The following ZSCAN30 variants were observed in gnomAD, a reference collection of about 807,000 sequenced individuals.
ZSCAN30 encodes zinc finger and SCAN domain-containing protein 30.
Under a neutral mutation model 44.3 loss-of-function variants are expected in ZSCAN30, and 37 were observed. That is an observed-to-expected ratio of 0.84 (90% CI 0.64 to 1.10). The LOEUF (loss-of-function observed/expected upper bound fraction) is 1.10, where lower values mean the gene tolerates loss of function less well. Ranked by LOEUF, ZSCAN30 falls within the 50% of genes least tolerant of loss-of-function variation. The probability of loss-of-function intolerance (pLI) is 0.00; values close to 1 mark genes in which losing one functional copy is unlikely to be tolerated. For synonymous variants in ZSCAN30, 181 were observed against 204.6 expected, an observed-to-expected ratio of 0.88 and a Z score of 0.98; for missense variants, 549 against 582.6, an observed-to-expected ratio of 0.94 and a Z score of 0.59.
intron 1 of ZSCAN30, among the ~76,000 whole-genome samples, chr18:35,275,908 G>T (rs1168289761): frequency 6.6e-6 from 1 of 152,088 alleles, no homozygotes; most frequent in East Asian, 1.9e-4. Context: ...AGAGGTGTTG[G>T]ATTTTGTCAA....
At position 35,253,486 on chromosome 18, in the gene ZSCAN30, G is replaced by C. The variant is rs745950472; in HGVS notation, c.1449C>G (p.Gly483=). The change falls in exon 4 of 4, where the codon GGC becomes GGG. Residue 483 remains glycine, a synonymous_variant. Transcript: ENST00000333206. ...ECRKTFRHRS[G]LMQHQRTHTR... is the part of the protein sequence containing the mutation. ...TGTGTGTTCTCTGATGCTGCATAAG[G>C]CCTGACCTATGCCTAAATGTTTTTC... The C allele has an allele frequency of 3.7e-6, 6 of 1,603,438 alleles. No homozygotes were observed. The highest frequency in any genetic ancestry group is 5.1e-6 in the Non-Finnish European group (6 of 1,173,622).
chr18:35,263,390 C>A, intron 3 of ZSCAN30, 123 bp downstream of exon 3: 2 of 1,221,360 alleles, frequency 1.6e-6, no homozygotes, highest in Non-Finnish European at 2.3e-6. Context: ...TATTTCTAGG[C>A]AAAGAAGCCT....
In ZSCAN30 at chr18:35,251,455, CAAAG is replaced by C. The variant is rs1000014415; in HGVS notation, c.*1991_*1994del. 1 of 152,226 alleles carries C rather than the reference CAAAG, an allele frequency of 6.6e-6. No individual in the cohort carries two copies. The highest frequency in any genetic ancestry group is 1.5e-5 in the Non-Finnish European group (1 of 68,076). The allele number at this position is 152,226 out of a possible 1,614,324, so 9.4% of individuals were successfully genotyped here. A position where few individuals can be genotyped will look rare whatever the true frequency, so the allele number is the denominator to read the frequency against. On this transcript the variant is annotated 3_prime_UTR_variant, in exon 4 of 4. Coordinates refer to ENST00000333206, the MANE Select transcript of ZSCAN30 (RefSeq NM_001112734.4). ...TCGATAACTGCACAACCTCTGGACA[CAAAG>C]AGGCCGAATTGTCCCCCCAATTTCA...
intron 3 of ZSCAN30, among the ~76,000 whole-genome samples, chr18:35,256,836 C>T (rs1277608109): frequency 6.6e-6 from 1 of 152,154 alleles, no homozygotes; most frequent in African/African-American, 2.4e-5. Context: ...TTCAGTGGTA[C>T]AATTATCAGC....
At chr18:35,271,995 G>A (rs1179394266) in intron 1 of ZSCAN30, among the ~76,000 whole-genome samples, 4 of 152,214 alleles carry the variant, frequency 2.6e-5, no homozygotes, top group Admixed American at 6.5e-5. Flanking sequence ...CACGGTTCCC[G>A]CCCACGCCTC....
rs189487939 is a variant in ZSCAN30, at chr18:35,251,842, T to C, written c.*1608A>G. 2.4e-4 allele frequency: 36 copies of C among 152,162 alleles called. 1 individual carries two copies. The highest frequency in any genetic ancestry group is 8.7e-4 in the African/African-American group (36 of 41,502). 9.4% of individuals were successfully genotyped at this position (152,162 alleles called of 1,614,324 possible). On this transcript the variant is annotated 3_prime_UTR_variant, in exon 4 of 4. Coordinates refer to ENST00000333206, the MANE Select transcript of ZSCAN30 (RefSeq NM_001112734.4). ...TACCCAGTATCAGGTAGTATCTTCA[T>C]AGCACTGTGAAAATGGACTAATACA...
In ZSCAN30 at chr18:35,253,646, T is replaced by A. The variant is rs773835198; in HGVS notation, c.1289A>T (p.Glu430Val). Residue 430 changes from glutamate (E) to valine (V), a missense_variant, in exon 4 of 4, where the codon GAA becomes GTA. Transcript: ENST00000333206. ...KAFGRSSILI[E>V]HQRIHTGEKP... ...CTCTCCAGTGTGAATTCTTTGATGT[T>A]CAATAAGGATAGAACTCCTACCAAA... 6.2e-7 allele frequency: 1 copy of A among 1,613,892 alleles called. No homozygotes were observed. Among genetic ancestry groups the A allele is most frequent in the Admixed American group, 1.7e-5 (1 of 59,976 alleles).
chr18:35,267,799 T>C (rs2044191946), intron 1 of ZSCAN30: 1 of 152,108 alleles, frequency 6.6e-6, no homozygotes, highest in Non-Finnish European at 1.5e-5. Flanking sequence ...TGTCGCGGGC[T>C]GGTATACCAT....
intron 3 of ZSCAN30, chr18:35,260,893 G>C (rs1295354461): frequency 6.6e-6 from 1 of 152,038 alleles, no homozygotes; most frequent in Non-Finnish European, 1.5e-5. Context: ...TATTGCAATT[G>C]CTTTTGACAT....
chr18:35,286,653 A>G (rs1033125121), intron 1 of ZSCAN30, among the ~76,000 whole-genome samples: 27 of 152,158 alleles, frequency 1.8e-4, no homozygotes, highest in African/African-American at 6.5e-4. Context: ...AAAAAACCAC[A>G]GCTAACATCA....
At chr18:35,289,502 C>T (rs956467126) in intron 1 of ZSCAN30, 2 of 152,132 alleles carry the variant, frequency 1.3e-5, no homozygotes, top group Admixed American at 1.3e-4. Flanking sequence ...CCCCACCGGA[C>T]AGCTTAAACC....
At chr18:35,279,624 TTGGTG>T (rs1468073835) in intron 1 of ZSCAN30, among the ~76,000 whole-genome samples, 1 of 152,210 alleles carries the variant, frequency 6.6e-6, no homozygotes. Context: ...ACTGAAAGAT[TTGGTG>T]TCTGGAGAGG....
At chr18:35,288,070 AC>A (rs1195126853) in intron 1 of ZSCAN30, among the ~76,000 whole-genome samples, 1 of 151,836 alleles carries the variant, frequency 6.6e-6, no homozygotes, top group Non-Finnish European at 1.5e-5. Context: ...AAAGGGTGTC[AC>A]CGCGTTGCCC....
chr18:35,274,737 A>G (rs1295708900), intron 1 of ZSCAN30, among the ~76,000 whole-genome samples: 1 of 152,134 alleles, frequency 6.6e-6, no homozygotes, highest in African/African-American at 2.4e-5. Context: ...ATCTTGTTCT[A>G]GTATTCTGTA....
At chr18:35,263,834 A>G (rs958140728) in intron 2 of ZSCAN30, 111 bp downstream of exon 2, 1 of 1,457,832 alleles carries the variant, frequency 6.9e-7, no homozygotes, top group Non-Finnish European at 9.3e-7. Flanking sequence ...TAATAACCCA[A>G]AAGAAAGAAA....
At chr18:35,257,857 G>C (rs1269143491) in intron 3 of ZSCAN30, 6 of 780,660 alleles carry the variant, frequency 7.7e-6, no homozygotes, top group Non-Finnish European at 1.2e-5. Context: ...ACCAAGCCTA[G>C]ACTGTAACTG....
intron 1 of ZSCAN30, among the ~76,000 whole-genome samples, chr18:35,271,948 G>A (rs933994958): frequency 6.6e-6 from 1 of 152,076 alleles, no homozygotes; most frequent in South Asian, 2.1e-4. Context: ...CAAGTGCGGG[G>A]CCCGCCGAGC....
In ZSCAN30 at chr18:35,253,193, G is replaced by A. The variant is rs1323977629; in HGVS notation, c.*257C>T. The A allele has an allele frequency of 1.2e-5, 4 of 333,110 alleles. No individual in the cohort carries two copies. Among genetic ancestry groups the A allele is most frequent in the Non-Finnish European group, 1.1e-5 (2 of 181,008 alleles). 20.6% of individuals were successfully genotyped at this position (333,110 alleles called of 1,614,324 possible). A position where few individuals can be genotyped will look rare whatever the true frequency, so the allele number is the denominator to read the frequency against. ...AGAGTGGAGTGAAGGGGATATTGAT[G>A]AGTCTCATCCAGAAATGGGTTAGGC... On this transcript the variant is annotated 3_prime_UTR_variant, in exon 4 of 4. Coordinates refer to ENST00000333206, the MANE Select transcript of ZSCAN30 (RefSeq NM_001112734.4).
chr18:35,258,253 C>T (rs756124847), intron 3 of ZSCAN30: 37 of 442,026 alleles, frequency 8.4e-5, no homozygotes, highest in South Asian at 1.7e-4. Context: ...CATGGGACCA[C>T]GCATAAATGG....
Sources: allele counts gnomAD v4.1 joint callset (sites outside exome capture counted in the v4.1 genomes callset), GRCh38; gene constraint gnomAD v4.1.1; transcripts MANE v1.5; gene names NCBI Gene and HGNC (gene_info 2026-07-23, HGNC 2026-07-21).